The following ABCC1 variants were observed in gnomAD, a reference collection of about 807,000 sequenced individuals.
The protein encoded by ABCC1 is multidrug resistance-associated protein 1.
In ABCC1, 83 loss-of-function variants were observed where a neutral mutation model predicts 172.9. The ratio of observed to expected loss-of-function variants is 0.48; its 90% CI spans 0.40 to 0.58. The LOEUF (loss-of-function observed/expected upper bound fraction) is 0.58. Among genes scored for constraint, ABCC1 ranks in the 20% least tolerant of loss-of-function variants. The pLI is 0.00. For missense variants in ABCC1, 1,817 were observed against 2,002.7 expected (o/e 0.91, Z 1.77); for synonymous variants, 937 against 825.2 (o/e 1.14, Z -2.32).
At chr16:16,067,912 A>G (rs2050172944) in intron 12 of ABCC1, among the ~76,000 whole-genome samples, 1 of 152,164 alleles carries the variant, frequency 6.6e-6, no homozygotes, top group Non-Finnish European at 1.5e-5. Context: ...TCTCTGAGAA[A>G]GTTGATGGGA....
At chr16:16,051,718 A>T (rs2049437554) in intron 10 of ABCC1, among the ~76,000 whole-genome samples, 1 of 152,108 alleles carries the variant, frequency 6.6e-6, no homozygotes. Context: ...CACATACCAA[A>T]AGTCTAGACT....
At chr16:16,039,362 G>A (rs1161508146) in intron 7 of ABCC1, among the ~76,000 whole-genome samples, 7 of 150,594 alleles carry the variant, frequency 4.6e-5, no homozygotes, top group African/African-American at 1.7e-4. Flanking sequence ...CTGCCTCTCG[G>A]GTTCAAGCAA....
intron 5 of ABCC1, among the ~76,000 whole-genome samples, chr16:16,023,824 T>C (rs1357980716): frequency 6.6e-6 from 1 of 151,900 alleles, no homozygotes; most frequent in Non-Finnish European, 1.5e-5. Flanking sequence ...CAGGTGAATA[T>C]GTTTGGAGGT....
intron 1 of ABCC1, among the ~76,000 whole-genome samples, chr16:16,003,230 T>A (rs1469254784): frequency 7.1e-6 from 1 of 141,174 alleles, no homozygotes; most frequent in African/African-American, 2.7e-5. Context: ...GGTAGGTGGA[T>A]GGATGAATGA....
chr16:16,049,211 G>A (rs759714498), intron 10 of ABCC1, among the ~76,000 whole-genome samples: 1 of 152,064 alleles, frequency 6.6e-6, no homozygotes, highest in Non-Finnish European at 1.5e-5. Flanking sequence ...GATAGATAAA[G>A]GTGCCAGAGA....
intron 12 of ABCC1, among the ~76,000 whole-genome samples, chr16:16,066,672 A>G (rs1050572372): frequency 9.3e-5 from 14 of 150,328 alleles, no homozygotes; most frequent in African/African-American, 3.4e-4. Context: ...GCCGAGGCAG[A>G]CGGATCACTT....
chr16:15,976,580 T>A (rs1018189405), intron 1 of ABCC1, among the ~76,000 whole-genome samples: 1 of 152,234 alleles, frequency 6.6e-6, no homozygotes, highest in African/African-American at 2.4e-5. Context: ...GAGGAGTCTT[T>A]TCCAACAGGC....
At chr16:16,029,568 A>G (rs531465186) in intron 5 of ABCC1, among the ~76,000 whole-genome samples, 5 of 152,154 alleles carry the variant, frequency 3.3e-5, no homozygotes, top group Non-Finnish European at 7.3e-5. Flanking sequence ...ACGTTTTAAT[A>G]TGTATCTCTG....
intron 5 of ABCC1, among the ~76,000 whole-genome samples, chr16:16,032,729 C>T (rs1349322493): frequency 1.3e-5 from 2 of 152,124 alleles, no homozygotes; most frequent in Non-Finnish European, 1.5e-5. Context: ...TATAAGGCAA[C>T]CCTGTAGTAC....
At chr16:16,138,618 C>A in intron 30 of ABCC1, 60 bp downstream of exon 30, 1 of 1,359,758 alleles carries the variant, frequency 7.4e-7, no homozygotes, top group Non-Finnish European at 9.8e-7. Flanking sequence ...CACTGGCTCA[C>A]TCATTAATTC....
Position 16,071,636 on chromosome 16 carries a change from G to A in ABCC1, c.1825-6G>A, listed in dbSNP as rs373366426. 64 of 1,613,266 alleles carry A rather than the reference G, an allele frequency of 4.0e-5. No individual in the cohort carries two copies. Among genetic ancestry groups the A allele is most frequent in the Non-Finnish European group, 5.3e-5 (62 of 1,179,592 alleles). On this transcript the variant is annotated splice_region_variant and splice_polypyrimidine_tract_variant and intron_variant, in intron 13 of 30. Coordinates refer to ENST00000399410, the MANE Select transcript of ABCC1 (RefSeq NM_004996.4). ...TAACTCTCCCCTGCCATTGCTCTCT[G>A]TACAGGCGAGTGTCTCCCTCAAACG...
At chr16:16,013,725 C>T (rs995931425) in intron 3 of ABCC1, among the ~76,000 whole-genome samples, 5 of 152,156 alleles carry the variant, frequency 3.3e-5, no homozygotes, top group South Asian at 2.1e-4. Context: ...TTGGTTTGGT[C>T]TGGGGCATAG....
intron 24 of ABCC1, among the ~76,000 whole-genome samples, chr16:16,124,402 T>G (rs2045338303): frequency 6.8e-6 from 1 of 147,708 alleles, no homozygotes; most frequent in African/African-American, 2.5e-5. Flanking sequence ...TGTGTGTGTG[T>G]GTGTGTGTAT....
intron 1 of ABCC1, among the ~76,000 whole-genome samples, chr16:15,985,103 A>T (rs1373326387): frequency 1.3e-5 from 2 of 152,170 alleles, no homozygotes; most frequent in African/African-American, 4.8e-5. Context: ...ACTCTGTCTT[A>T]AAGCAAAAAC....
At chr16:16,138,321 G>A in intron 29 of ABCC1, 43 bp from the exon 30 acceptor site, 1 of 1,541,874 alleles carries the variant, frequency 6.5e-7, no homozygotes, top group East Asian at 2.3e-5. Flanking sequence ...GTCAGGGGTG[G>A]TTTGACCCAA....
At chr16:15,963,356 C>G (rs2151507608) in intron 1 of ABCC1, among the ~76,000 whole-genome samples, 1 of 152,350 alleles carries the variant, frequency 6.6e-6, no homozygotes, top group East Asian at 1.9e-4. Flanking sequence ...GCAGGTGGAT[C>G]TACCATTCTG....
At chr16:15,975,379 C>A (rs546484834) in intron 1 of ABCC1, among the ~76,000 whole-genome samples, 4 of 152,130 alleles carry the variant, frequency 2.6e-5, no homozygotes, top group Non-Finnish European at 5.9e-5. Flanking sequence ...CCAGCTTGTA[C>A]ACGTTGTTCC....
intron 1 of ABCC1, among the ~76,000 whole-genome samples, chr16:15,951,759 A>G (rs571875487): frequency 1.3e-5 from 2 of 151,782 alleles, no homozygotes; most frequent in South Asian, 2.1e-4. Flanking sequence ...GCACGATCTC[A>G]GCTTACTGCA....
At position 16,137,404 on chromosome 16, in the gene ABCC1, A is replaced by G. The variant is rs557758908; in HGVS notation, c.4292+760A>G. ...GATGGCAGGGGCACAAGAGCGTGCA[A>G]GCCCCTATTGCATCTAACAGTATTC... On this transcript the variant is annotated intron_variant, in intron 29 of 30. Coordinates refer to ENST00000399410, the MANE Select transcript of ABCC1 (RefSeq NM_004996.4). 1.1e-4 allele frequency among the ~76,000 whole-genome samples: 16 copies of G among 152,262 alleles called. No individual in the cohort carries two copies. The South Asian group carries it at 3.3e-3, about 32-fold the overall frequency.
Sources: allele counts gnomAD v4.1 joint callset (sites outside exome capture counted in the v4.1 genomes callset), GRCh38; gene constraint gnomAD v4.1.1; transcripts MANE v1.5; gene names NCBI Gene and HGNC (gene_info 2026-07-23, HGNC 2026-07-21).